FAR2: variants seen among roughly 807,000 people sequenced by gnomAD.
FAR2 encodes epididymis secretory protein Li 81.
Under a neutral mutation model 56.0 loss-of-function variants are expected in FAR2, and 19 were observed. The ratio of observed to expected loss-of-function variants is 0.34; its 90% confidence interval spans 0.24 to 0.50. The LOEUF is 0.50. Ranked by LOEUF, FAR2 falls within the 20% of genes least tolerant of loss-of-function variation. The pLI is 0.98. For missense variants in FAR2, 508 were observed against 642.2 expected (o/e 0.79, Z 2.26); for synonymous variants, 219 against 218.8 (o/e 1.00, Z -0.01).
intron 10 of FAR2, among the ~76,000 whole-genome samples, chr12:29,330,047 C>T (rs1452446505): frequency 1.4e-5 from 2 of 138,746 alleles, no homozygotes; most frequent in Non-Finnish European, 3.0e-5. Context: ...AAAGCAAATA[C>T]ATTTATGACT....
chr12:29,260,576 G>A (rs902427182), intron 1 of FAR2, among the ~76,000 whole-genome samples: 20 of 152,174 alleles, frequency 1.3e-4, no homozygotes, highest in African/African-American at 4.8e-4. Flanking sequence ...TTCTGGCTGT[G>A]ACAGCTGTGG....
At chr12:29,332,784 AC>A in intron 11 of FAR2, 57 bp downstream of exon 11, 1 of 1,476,592 alleles carries the variant, frequency 6.8e-7, no homozygotes, top group Non-Finnish European at 9.3e-7. Flanking sequence ...TCGACTTTAT[AC>A]CAGACATAAC....
chr12:29,299,213 C>CAAAAAAAAAAAA (rs71042981), intron 4 of FAR2, among the ~76,000 whole-genome samples: 161 of 103,548 alleles, frequency 1.6e-3, no homozygotes, highest in African/African-American at 5.8e-3. Flanking sequence ...AACTTTGTCT[C>CAAAAAAAAAAAA]AAAAAAAAAA....
Position 29,302,270 on chromosome 12 carries a change from T to G in FAR2, c.545+5070T>G, listed in dbSNP as rs529796291. The stretch of plus-strand genomic sequence containing the variant: ...AAAAAAAAAAAAAAAAAAGGTGCTT[T>G]CTTAAGATATAGACTATGTTCCAAA... On this transcript the variant is annotated intron_variant, in intron 4 of 11. Transcript: ENST00000536681. Among the ~76,000 whole-genome samples the G allele has an allele frequency of 5.3e-4, 78 of 146,696 alleles. 1 individual carries two copies. The highest frequency in any genetic ancestry group is 1.9e-3 in the African/African-American group (76 of 39,950).
At chr12:29,299,773 C>T (rs1381634186) in intron 4 of FAR2, among the ~76,000 whole-genome samples, 1 of 148,688 alleles carries the variant, frequency 6.7e-6, no homozygotes, top group African/African-American at 2.5e-5. Flanking sequence ...CTTCCCTCCT[C>T]ATACTCTGCC....
intron 2 of FAR2, among the ~76,000 whole-genome samples, chr12:29,285,137 G>A (rs773337829): frequency 2.6e-5 from 4 of 152,124 alleles, no homozygotes; most frequent in South Asian, 2.1e-4. Context: ...CACCGCGCCC[G>A]GCCGCATTAC....
intron 2 of FAR2, among the ~76,000 whole-genome samples, chr12:29,271,762 G>T (rs993402519): frequency 2.0e-5 from 3 of 152,164 alleles, no homozygotes; most frequent in African/African-American, 7.2e-5. Context: ...TGGATACTTA[G>T]TACATGGCAC....
intron 1 of FAR2, among the ~76,000 whole-genome samples, chr12:29,150,013 G>A (rs926540527): frequency 1.3e-5 from 2 of 152,158 alleles, no homozygotes; most frequent in Non-Finnish European, 2.9e-5. Context: ...GCTGACGCGC[G>A]CTGGGGCGAC....
At chr12:29,316,747 G>A (rs1240881196) in intron 8 of FAR2, 94 bp from the exon 9 acceptor site, 41 of 1,241,506 alleles carry the variant, frequency 3.3e-5, no homozygotes, top group African/African-American at 1.1e-4. Context: ...CAAATCCTTC[G>A]TCTTTATTGT....
At chr12:29,222,873 A>G (rs146589300) in intron 1 of FAR2, among the ~76,000 whole-genome samples, 39 of 152,368 alleles carry the variant, frequency 2.6e-4, no homozygotes, top group South Asian at 6.2e-4. Flanking sequence ...ATCATTACTC[A>G]TAATGACATT....
chr12:29,215,797 G>A (rs535587665), intron 1 of FAR2, among the ~76,000 whole-genome samples: 1 of 152,210 alleles, frequency 6.6e-6, no homozygotes, highest in Non-Finnish European at 1.5e-5. Flanking sequence ...AACAAAAATA[G>A]TCATTAAATG....
At chr12:29,284,050 C>T (rs1254080007) in intron 2 of FAR2, among the ~76,000 whole-genome samples, 2 of 152,164 alleles carry the variant, frequency 1.3e-5, no homozygotes, top group African/African-American at 2.4e-5. Flanking sequence ...CCATGTCCCA[C>T]GTCTATCTGT....
intron 1 of FAR2, among the ~76,000 whole-genome samples, chr12:29,152,705 A>G (rs958366817): frequency 6.6e-6 from 1 of 152,264 alleles, no homozygotes; most frequent in African/African-American, 2.4e-5. Flanking sequence ...TTAGTAAGAC[A>G]AATATGTCAA....
At chr12:29,292,710 G>A (rs1948991648) in intron 2 of FAR2, among the ~76,000 whole-genome samples, 1 of 152,270 alleles carries the variant, frequency 6.6e-6, no homozygotes, top group South Asian at 2.1e-4. Context: ...CTAGGAAAGG[G>A]AAGAAATCCA....
chr12:29,275,403 T>G lies in FAR2; in HGVS notation c.189+4765T>G, dbSNP rs1948694080. Among the ~76,000 whole-genome samples, 4 of 152,192 alleles carry G rather than the reference T, an allele frequency of 2.6e-5. 1 individual carries two copies. Among genetic ancestry groups the G allele is most frequent in the Middle Eastern group, 6.8e-3 (2 of 294 alleles). On this transcript the variant is annotated intron_variant, in intron 2 of 11. Transcript: ENST00000536681. The stretch of plus-strand genomic sequence containing the variant: ...CATCAGTTAAGGCAGGAACCGGCCA[T>G]CTGGATGTGTACGTGCAGGTCACTG...
intron 1 of FAR2, among the ~76,000 whole-genome samples, chr12:29,240,422 C>T (rs1010022968): frequency 6.6e-6 from 1 of 152,122 alleles, no homozygotes; most frequent in Non-Finnish European, 1.5e-5. Context: ...CAATGGCCGA[C>T]GCTGCTCCAC....
At chr12:29,269,926 C>A (rs187327097) in intron 1 of FAR2, among the ~76,000 whole-genome samples, 2 of 152,276 alleles carry the variant, frequency 1.3e-5, no homozygotes, top group African/African-American at 4.8e-5. Flanking sequence ...CCCTTTATTT[C>A]CCCTAAGCAC....
At position 29,332,599 on chromosome 12, in the gene FAR2, G is replaced by A. The variant is rs1949746174; in HGVS notation, c.1258-1G>A. 3 of 1,613,440 alleles carry A rather than the reference G, an allele frequency of 1.9e-6. No homozygotes were observed. In the Admixed American group the frequency reaches 5.0e-5, roughly 27 times the overall value. On this transcript the variant is annotated splice_acceptor_variant, in intron 10 of 11. Coordinates refer to ENST00000536681, the MANE Select transcript of FAR2 (RefSeq NM_001271783.2). LOFTEE classifies it high-confidence loss of function. The stretch of plus-strand genomic sequence containing the variant: ...AATCTATAATCTCTCTTGCCTCTCA[G>A]GTATTCAACTTTGACGTGCGCCAGT...
chr12:29,185,712 CTG>C (rs1278388659), intron 1 of FAR2, among the ~76,000 whole-genome samples: 1 of 152,224 alleles, frequency 6.6e-6, no homozygotes, highest in Non-Finnish European at 1.5e-5. Flanking sequence ...TATTGCCCCA[CTG>C]TACCCCAGGA....
Sources: gnomAD v4.1 joint callset for allele counts (sites outside exome capture counted in the v4.1 genomes callset) on GRCh38, gnomAD v4.1.1 for gene constraint, MANE v1.5 for transcripts, NCBI Gene and HGNC (gene_info 2026-07-23, HGNC 2026-07-21) for gene names.